The following JMJD1C variants were observed in gnomAD, a reference collection of about 807,000 sequenced individuals.
JMJD1C encodes jumonji domain containing 1C, also known as jumonji domain-containing protein 1C.
Under a neutral mutation model 245.3 loss-of-function variants are expected in JMJD1C, and 31 were observed. That is an observed-to-expected ratio of 0.13 (90% CI 0.09 to 0.17). The LOEUF (loss-of-function observed/expected upper bound fraction) is 0.17, where lower values mean the gene tolerates loss of function less well. JMJD1C is among the 10% of genes least tolerant of loss of function. JMJD1C has a pLI of 1.00. For missense variants in JMJD1C, 2,691 were observed against 3,000.2 expected (o/e 0.90, Z 2.41); for synonymous variants, 1,057 against 1,017.4 (o/e 1.04, Z -0.74).
intron 2 of JMJD1C, among the ~76,000 whole-genome samples, chr10:63,285,546 G>A (rs1857886657): frequency 6.6e-6 from 1 of 152,154 alleles, no homozygotes; most frequent in African/African-American, 2.4e-5. Flanking sequence ...TGCCCGGGCA[G>A]AGTGGCTGAA....
intron 8 of JMJD1C, among the ~76,000 whole-genome samples, chr10:63,211,007 GC>G (rs755523858): frequency 4.3e-4 from 66 of 152,250 alleles, no homozygotes; most frequent in South Asian, 1.0e-3. Context: ...TCAACTGTGG[GC>G]ATCACTGGTG....
chr10:63,359,512 T>C (rs1207003981), intron 2 of JMJD1C, among the ~76,000 whole-genome samples: 1 of 152,254 alleles, frequency 6.6e-6, no homozygotes, highest in Admixed American at 6.5e-5. Context: ...TTCCACATAA[T>C]GTGACCAATT....
At chr10:63,187,120 AT>A (rs549367197) in intron 18 of JMJD1C, among the ~76,000 whole-genome samples, 31 of 150,708 alleles carry the variant, frequency 2.1e-4, no homozygotes, top group Admixed American at 1.3e-3. Flanking sequence ...CTCTAGCTAG[AT>A]TTTTTTTTTA....
intron 2 of JMJD1C, among the ~76,000 whole-genome samples, chr10:63,294,281 CT>C (rs879496042): frequency 4.4e-3 from 621 of 142,356 alleles, no homozygotes; most frequent in South Asian, 8.6e-3. Flanking sequence ...TCAGTTCAAT[CT>C]TTTTTTTTTT....
At chr10:63,230,102 G>A (rs1849777740) in intron 3 of JMJD1C, among the ~76,000 whole-genome samples, 1 of 152,238 alleles carries the variant, frequency 6.6e-6, no homozygotes, top group Admixed American at 6.5e-5. Flanking sequence ...GCTGGGTGCA[G>A]TGGCTCATGC....
intron 24 of JMJD1C, among the ~76,000 whole-genome samples, chr10:63,175,507 T>C (rs1250870975): frequency 6.6e-6 from 1 of 152,220 alleles, no homozygotes; most frequent in Non-Finnish European, 1.5e-5. Context: ...AGTATTTGTA[T>C]GGAAGAGTGC....
intron 1 of JMJD1C, among the ~76,000 whole-genome samples, chr10:63,461,996 A>C (rs1219686458): frequency 1.3e-5 from 2 of 152,168 alleles, no homozygotes; most frequent in African/African-American, 2.4e-5. Context: ...TAAACTATCA[A>C]TTTTCTAGAA....
At chr10:63,193,514 T>G in intron 14 of JMJD1C, 42 bp from the exon 15 acceptor site, 3 of 1,424,596 alleles carry the variant, frequency 2.1e-6, no homozygotes, top group South Asian at 2.7e-5. Flanking sequence ...TTACCACTAG[T>G]TGTTAATGCT....
intron 3 of JMJD1C, among the ~76,000 whole-genome samples, chr10:63,237,353 A>AAAAT (rs1554850230): frequency 1.3e-5 from 2 of 151,236 alleles, no homozygotes; most frequent in Non-Finnish European, 3.0e-5. Context: ...CTCACTAAAA[A>AAAAT]TTTTTTTTTA....
intron 1 of JMJD1C, among the ~76,000 whole-genome samples, chr10:63,452,634 TG>T (rs1220040556): frequency 1.3e-5 from 2 of 152,206 alleles, no homozygotes; most frequent in Non-Finnish European, 1.5e-5. Flanking sequence ...CTGATATTCA[TG>T]GCAGCATTAT....
intron 11 of JMJD1C, among the ~76,000 whole-genome samples, chr10:63,199,839 G>A (rs1845833811): frequency 6.6e-6 from 1 of 152,186 alleles, no homozygotes; most frequent in Non-Finnish European, 1.5e-5. Context: ...TTCTTAGGAA[G>A]ATAATTACAG....
At chr10:63,451,543 G>A (rs762020918) in intron 1 of JMJD1C, among the ~76,000 whole-genome samples, 7 of 152,130 alleles carry the variant, frequency 4.6e-5, no homozygotes, top group Non-Finnish European at 8.8e-5. Flanking sequence ...ACTATTTACA[G>A]AGCATTTACA....
intron 2 of JMJD1C, among the ~76,000 whole-genome samples, chr10:63,284,029 T>G (rs1857695485): frequency 6.6e-6 from 1 of 151,784 alleles, no homozygotes; most frequent in Non-Finnish European, 1.5e-5. Flanking sequence ...TTTTTTTTTT[T>G]GTTTTTTGGG....
intron 2 of JMJD1C, among the ~76,000 whole-genome samples, chr10:63,351,428 A>G (rs555114936): frequency 6.6e-6 from 1 of 152,280 alleles, no homozygotes; most frequent in South Asian, 2.1e-4. Context: ...TCTAACGTGA[A>G]TAATTCCAAT....
In JMJD1C at chr10:63,176,376, T is replaced by C. The variant is rs1375837114; in HGVS notation, c.7322A>G (p.Glu2441Gly). Residue 2441 changes from glutamate to glycine, a missense_variant, in exon 24 of 26, where the codon GAA (glutamate) becomes GGA (glycine). Glu to Gly is a moderately conservative substitution (Grantham distance 98). This residue lies in a region of JMJD1C where 232 missense variants were observed against 416.1 expected (regional missense o/e 0.56). Coordinates refer to ENST00000399262, the MANE Select transcript of JMJD1C (RefSeq NM_032776.3). ...VNKKLRQRLL[E>G]EYGVRTCTLI... ...AGTACAGGTTCTGACTCCATATTCT[T>C]CAAGCAGCCTTTGACGGAGCTTTTT... The C allele has an allele frequency of 6.2e-7, 1 of 1,613,970 alleles. No homozygotes were observed. The highest frequency in any genetic ancestry group is 1.1e-5 in the South Asian group (1 of 91,090).
At chr10:63,465,352 G>T in intron 1 of JMJD1C, 143 bp downstream of exon 1, 3 of 851,962 alleles carry the variant, frequency 3.5e-6, no homozygotes, top group Non-Finnish European at 5.3e-6. Context: ...AGGGATGCGG[G>T]CAAACGCGCC....
chr10:63,504,084 T>C (rs1954644759), intron 1 of JMJD1C, among the ~76,000 whole-genome samples: 1 of 152,196 alleles, frequency 6.6e-6, no homozygotes, highest in South Asian at 2.1e-4. Flanking sequence ...CTACATAAAA[T>C]GTTATGGGTG....
chr10:63,273,495 A>C (rs1336048353), intron 2 of JMJD1C, among the ~76,000 whole-genome samples: 1 of 152,252 alleles, frequency 6.6e-6, no homozygotes, highest in African/African-American at 2.4e-5. Flanking sequence ...CTTTTACTTC[A>C]AGTCTCCTTA....
chr10:63,500,736 G>A (rs912961973), intron 1 of JMJD1C, among the ~76,000 whole-genome samples: 1 of 148,842 alleles, frequency 6.7e-6, no homozygotes, highest in Middle Eastern at 3.4e-3. Flanking sequence ...TGGATGGATG[G>A]ATGGATGGAA....
Sources: gnomAD v4.1 joint callset for allele counts (sites outside exome capture counted in the v4.1 genomes callset) on GRCh38, gnomAD v4.1.1 for gene constraint, gnomAD v4.1.1 regional missense constraint, MANE v1.5 for transcripts, NCBI Gene and HGNC (gene_info 2026-07-23, HGNC 2026-07-21) for gene names.